MAP2: variants seen among roughly 807,000 people sequenced by gnomAD.
MAP2 encodes microtubule associated protein 2.
Under a neutral mutation model 137.6 loss-of-function variants are expected in MAP2, and 14 were observed. That is an observed-to-expected ratio of 0.10 (90% CI 0.07 to 0.16). The LOEUF (loss-of-function observed/expected upper bound fraction) is 0.16, where lower values mean the gene tolerates loss of function less well. Ranked by LOEUF, MAP2 falls within the 10% of genes least tolerant of loss-of-function variation. The pLI is 1.00. For synonymous variants in MAP2, 786 were observed against 782.3 expected (o/e 1.00, Z -0.08); for missense variants, 2,088 against 2,191.5 (o/e 0.95, Z 0.94).
At chr2:209,651,475 T>A (rs1470921918) in intron 4 of MAP2, among the ~76,000 whole-genome samples, 20 of 152,228 alleles carry the variant, frequency 1.3e-4, no homozygotes, top group Admixed American at 1.3e-3. Flanking sequence ...CTACTGTTTA[T>A]TGAGCATGCC....
chr2:209,562,877 A>C (rs972229758), intron 2 of MAP2, among the ~76,000 whole-genome samples: 7 of 152,212 alleles, frequency 4.6e-5, no homozygotes, highest in Non-Finnish European at 1.0e-4. Flanking sequence ...ATTGGGGGTC[A>C]TGTTTCATTT....
chr2:209,649,834 T>C (rs1226868117), intron 4 of MAP2, among the ~76,000 whole-genome samples: 2 of 152,198 alleles, frequency 1.3e-5, no homozygotes, highest in Admixed American at 1.3e-4. Context: ...TTTTGATTTG[T>C]TTGTGATTCT....
chr2:209,665,204 G>T (rs1230796752), intron 5 of MAP2, among the ~76,000 whole-genome samples: 2 of 152,114 alleles, frequency 1.3e-5, no homozygotes, highest in Non-Finnish European at 2.9e-5. Context: ...ATCTTTGACT[G>T]AAGATAGCAG....
intron 1 of MAP2, among the ~76,000 whole-genome samples, chr2:209,435,262 A>T (rs888592313): frequency 1.4e-4 from 21 of 145,400 alleles, no homozygotes; most frequent in Non-Finnish European, 3.0e-4. Flanking sequence ...ATTTACAACA[A>T]TATTAATGGT....
intron 2 of MAP2, among the ~76,000 whole-genome samples, chr2:209,549,057 T>G (rs1033875219): frequency 2.6e-5 from 4 of 152,236 alleles, no homozygotes; most frequent in African/African-American, 9.6e-5. Context: ...CTCTTTGCCC[T>G]ATAGTCACAA....
chr2:209,566,087 T>G (rs1028319035), intron 2 of MAP2, among the ~76,000 whole-genome samples: 7 of 152,172 alleles, frequency 4.6e-5, no homozygotes, highest in African/African-American at 1.4e-4. Flanking sequence ...AGAGGCCTAT[T>G]GAGAGTGACA....
At chr2:209,538,642 G>A (rs1190547166) in intron 2 of MAP2, among the ~76,000 whole-genome samples, 2 of 150,732 alleles carry the variant, frequency 1.3e-5, no homozygotes, top group African/African-American at 2.4e-5. Flanking sequence ...GAAGGCTAGC[G>A]CCTGGTACAC....
chr2:209,602,639 T>G lies in MAP2; in HGVS notation c.-106-22414T>G, dbSNP rs1312917161. On this transcript the variant is annotated intron_variant, in intron 3 of 15. Transcript: ENST00000682079. ...TACACATTCACACTGTGAATCTATT[T>G]TGATGAACTCAGAAGAAGAGGAGCC... is the stretch of plus-strand genomic sequence containing the variant. Among the ~76,000 whole-genome samples, 5 of 152,178 alleles carry G rather than the reference T, an allele frequency of 3.3e-5. No homozygotes were observed. In the East Asian group the frequency reaches 9.6e-4, roughly 29 times the overall value.
chr2:209,534,803 A>T (rs1224953673), intron 2 of MAP2, among the ~76,000 whole-genome samples: 1 of 152,228 alleles, frequency 6.6e-6, no homozygotes, highest in African/African-American at 2.4e-5. Flanking sequence ...TTAGTCTGCA[A>T]GGACATGAAG....
At chr2:209,435,695 A>G (rs1269897136) in intron 1 of MAP2, among the ~76,000 whole-genome samples, 1 of 151,406 alleles carries the variant, frequency 6.6e-6, no homozygotes, top group Non-Finnish European at 1.5e-5. Flanking sequence ...ATTTCTACAT[A>G]TGGTGTAGCA....
chr2:209,711,323 C>T (rs2065374085), intron 13 of MAP2, among the ~76,000 whole-genome samples: 1 of 152,082 alleles, frequency 6.6e-6, no homozygotes, highest in South Asian at 2.1e-4. Context: ...AAATGTAAAG[C>T]TATCAGGCAC....
intron 2 of MAP2, among the ~76,000 whole-genome samples, chr2:209,553,057 G>T (rs2069579619): frequency 6.6e-6 from 1 of 151,400 alleles, no homozygotes; most frequent in Non-Finnish European, 1.5e-5. Context: ...TGTCGCCCAG[G>T]CTGGAGTGCA....
intron 4 of MAP2, among the ~76,000 whole-genome samples, chr2:209,630,107 A>G (rs1349433212): frequency 2.6e-5 from 4 of 152,210 alleles, no homozygotes; most frequent in African/African-American, 9.6e-5. Flanking sequence ...AGGCATGGTT[A>G]CTATGCAATT....
intron 4 of MAP2, among the ~76,000 whole-genome samples, chr2:209,627,196 A>G (rs560878083): frequency 3.0e-4 from 45 of 152,276 alleles, no homozygotes; most frequent in South Asian, 1.2e-3. Flanking sequence ...GGTCTGGCCT[A>G]TGTTAGTTGC....
intron 3 of MAP2, among the ~76,000 whole-genome samples, chr2:209,582,653 TAGATGATAGATAGATA>T (rs1424774107): frequency 3.0e-5 from 4 of 134,710 alleles, no homozygotes; most frequent in South Asian, 2.4e-4. Flanking sequence ...GATAGATAGA[TAGATGATAGATAGATA>T]GATAGATAGA....
chr2:209,428,220 A>G (rs1247977520), intron 1 of MAP2, among the ~76,000 whole-genome samples: 1 of 152,224 alleles, frequency 6.6e-6, no homozygotes, highest in Non-Finnish European at 1.5e-5. Flanking sequence ...TAACTGTAAT[A>G]CATTTTACTT....
chr2:209,639,632 C>T (rs2093850179), intron 4 of MAP2, among the ~76,000 whole-genome samples: 1 of 152,120 alleles, frequency 6.6e-6, no homozygotes, highest in Non-Finnish European at 1.5e-5. Flanking sequence ...CCATGGCCTT[C>T]AGGACAGAGT....
intron 1 of MAP2, among the ~76,000 whole-genome samples, chr2:209,458,287 G>A (rs1702006087): frequency 1.3e-5 from 2 of 152,042 alleles, no homozygotes; most frequent in Non-Finnish European, 2.9e-5. Flanking sequence ...GGGTCTGGAG[G>A]GAAATTACCT....
chr2:209,504,242 C>T (rs1444217132), intron 1 of MAP2, among the ~76,000 whole-genome samples: 1 of 149,910 alleles, frequency 6.7e-6, no homozygotes, highest in Admixed American at 6.8e-5. Flanking sequence ...AGAAGTCAGG[C>T]TCCTGTGTCA....
Sources: allele counts gnomAD v4.1 joint callset (sites outside exome capture counted in the v4.1 genomes callset), GRCh38; gene constraint gnomAD v4.1.1; transcripts MANE v1.5; gene names NCBI Gene and HGNC (gene_info 2026-07-23, HGNC 2026-07-21).